The following HSD17B4 variants were observed in gnomAD, a reference collection of about 807,000 sequenced individuals.
HSD17B4 encodes the protein hydroxysteroid 17-beta dehydrogenase 4, also known as peroxisomal multifunctional enzyme type 2.
A neutral mutation model predicts 101.0 loss-of-function variants in HSD17B4; 70 were observed. That is an observed-to-expected ratio of 0.69 (90% CI 0.57 to 0.85). HSD17B4 has a LOEUF of 0.85. Ranked by LOEUF, HSD17B4 falls within the 40% of genes least tolerant of loss-of-function variation. The pLI, the probability that HSD17B4 is intolerant of heterozygous loss-of-function variation, is 0.00. For synonymous variants in HSD17B4, 347 were observed against 297.1 expected (o/e 1.17, Z -1.73); for missense variants, 984 against 892.4 (o/e 1.10, Z -1.31).
chr5:119,517,395 C>T (rs892592906), intron 17 of HSD17B4, among the ~76,000 whole-genome samples: 1 of 152,218 alleles, frequency 6.6e-6, no homozygotes, highest in African/African-American at 2.4e-5. Context: ...CCACCCCCTC[C>T]ATGGGCTCCT....
chr5:119,541,064 A>G (rs577269605), intron 23 of HSD17B4, among the ~76,000 whole-genome samples: 41 of 152,330 alleles, frequency 2.7e-4, no homozygotes, highest in African/African-American at 9.6e-4. Context: ...TATGTAAGCT[A>G]TAAAAACTAT....
intron 17 of HSD17B4, among the ~76,000 whole-genome samples, chr5:119,519,651 C>T (rs1338907435): frequency 1.3e-5 from 2 of 152,156 alleles, no homozygotes; most frequent in Non-Finnish European, 2.9e-5. Context: ...TGATTGCATT[C>T]CAGATTTTGC....
chr5:119,456,585 T>A, intron 2 of HSD17B4: 1 of 554,456 alleles, frequency 1.8e-6, no homozygotes, highest in African/African-American at 1.9e-5. Flanking sequence ...ACAGAATTGA[T>A]AACGAAGGGC....
At chr5:119,519,955 C>T (rs1752967614) in intron 17 of HSD17B4, among the ~76,000 whole-genome samples, 1 of 152,128 alleles carries the variant, frequency 6.6e-6, no homozygotes, top group Non-Finnish European at 1.5e-5. Context: ...CGTTCTAGGT[C>T]CCACTCGCAG....
rs1751944463 is a variant in HSD17B4, at chr5:119,509,232, A to G, written c.1425A>G (p.Ser475=). ...GSGGFGGKRT[S]DKVKVAVAIP... Reference sequence around the variant, plus strand: ...GAGGCTTTGGTGGAAAACGGACATCAGACAAAGTCAAGGTAAGCCATGACT... The same window carrying G: ...GAGGCTTTGGTGGAAAACGGACATCGGACAAAGTCAAGGTAAGCCATGACT... The change falls in exon 16 of 24, where the codon TCA becomes TCG. Residue 475 remains serine, a synonymous_variant. Transcript: ENST00000510025. 6.3e-6 allele frequency: 10 copies of G among 1,594,986 alleles called. No homozygotes were observed. The highest frequency in any genetic ancestry group is 8.6e-6 in the Non-Finnish European group (10 of 1,162,628).
chr5:119,467,913 C>A (rs1340969270), intron 2 of HSD17B4, among the ~76,000 whole-genome samples: 1 of 152,054 alleles, frequency 6.6e-6, no homozygotes, highest in Non-Finnish European at 1.5e-5. Context: ...CATTTTCAGT[C>A]CATGTGTGTC....
chr5:119,528,026 G>A (rs560054746), intron 20 of HSD17B4, among the ~76,000 whole-genome samples: 1 of 152,240 alleles, frequency 6.6e-6, no homozygotes, highest in Non-Finnish European at 1.5e-5. Context: ...ATCATTTCAT[G>A]CTATATAGAG....
chr5:119,491,408 A>G (rs1160853180), intron 9 of HSD17B4, among the ~76,000 whole-genome samples: 2 of 149,576 alleles, frequency 1.3e-5, no homozygotes, highest in Admixed American at 6.6e-5. Flanking sequence ...GGTACACTGT[A>G]GTTGTGGTGT....
At position 119,525,047 on chromosome 5, in the gene HSD17B4, A is replaced by G. The variant is rs186623142; in HGVS notation, c.1504-169A>G. ...TTTTAGTGGCAAGTGTTAAAAAAACATTTCATTATAGGTAATCTTTATTGT... is the reference window on the plus strand; with the variant it reads ...TTTTAGTGGCAAGTGTTAAAAAAACGTTTCATTATAGGTAATCTTTATTGT... On this transcript the variant is annotated intron_variant, in intron 17 of 23. Transcript: ENST00000510025. 9.2e-5 allele frequency among the ~76,000 whole-genome samples: 14 copies of G among 152,170 alleles called. 1 individual carries two copies. The highest frequency in any genetic ancestry group is 7.9e-4 in the Admixed American group (12 of 15,268).
At chr5:119,474,839 C>G (rs1387377338) in intron 4 of HSD17B4, among the ~76,000 whole-genome samples, 4 of 151,950 alleles carry the variant, frequency 2.6e-5, no homozygotes, top group Admixed American at 2.6e-4. Flanking sequence ...TTAAAATAAT[C>G]CAATATCTTG....
Position 119,536,397 on chromosome 5 carries a change from C to T in HSD17B4, c.1994-26C>T, listed in dbSNP as rs150637104. The stretch of plus-strand genomic sequence containing the variant: ...ATTTTGTTGGAGAGAAAAAGATACA[C>T]ATTGGTTTCTTCCTATTTTTCCCAG... On this transcript the variant is annotated intron_variant, in intron 22 of 23. Coordinates refer to ENST00000510025, the MANE Select transcript of HSD17B4 (RefSeq NM_000414.4). The T allele has an allele frequency of 6.6e-4, 1,054 of 1,606,680 alleles. 8 individuals are homozygous for T. In the African/African-American group the frequency reaches 0.013, roughly 20 times the overall value.
In HSD17B4 at chr5:119,499,537, C is replaced by G; in HGVS notation, c.1193C>G (p.Ser398Ter). ...GGATTAGCAGAAATTCCTGGACTTT[C>G]AATCAACTTTGCAAAGGTATGCCTA... Reference protein sequence around the residue: ...GGGLAEIPGLSINFAKVLHGE... With the variant: ...GGGLAEIPGL Residue 398 changes from serine (S) to a stop codon, truncating the protein, a stop_gained, in exon 13 of 24, where the codon TCA becomes TGA. Transcript: ENST00000510025. LOFTEE classifies it high-confidence loss of function. The G allele has an allele frequency of 6.2e-7, 1 of 1,609,600 alleles. No homozygotes were observed. Among genetic ancestry groups the G allele is most frequent in the Non-Finnish European group, 8.5e-7 (1 of 1,175,988 alleles).
At chr5:119,482,758 A>G (rs1319699553) in intron 8 of HSD17B4, among the ~76,000 whole-genome samples, 1 of 151,990 alleles carries the variant, frequency 6.6e-6, no homozygotes, top group Admixed American at 6.6e-5. Context: ...TCTCACTTGT[A>G]ATTGTTATTA....
At chr5:119,452,855 G>C in intron 1 of HSD17B4, 1 of 1,535,494 alleles carries the variant, frequency 6.5e-7, no homozygotes, top group Non-Finnish European at 8.7e-7. Flanking sequence ...CCCCGGTGTG[G>C]GCTTCCCAAG....
intron 16 of HSD17B4, among the ~76,000 whole-genome samples, chr5:119,513,268 A>T (rs1752331974): frequency 6.6e-6 from 1 of 152,252 alleles, no homozygotes; most frequent in Admixed American, 6.5e-5. Flanking sequence ...AAAACATCCA[A>T]GCTTTTAGTG....
rs558724264 is a variant in HSD17B4 at position 119,513,322 on chromosome 5, A to G, written c.1438-1659A>G. On this transcript the variant is annotated intron_variant, in intron 16 of 23. Coordinates refer to ENST00000510025, the MANE Select transcript of HSD17B4 (RefSeq NM_000414.4). The stretch of plus-strand genomic sequence containing the variant: ...GGGTAAAATACAAGTCTGAGGCTAT[A>G]TTAGATGAAGTAAATATAACATGCT... Among the ~76,000 whole-genome samples the G allele has an allele frequency of 4.6e-5, 7 of 152,340 alleles. No individual in the cohort carries two copies. In the South Asian group the frequency reaches 1.5e-3, roughly 32 times the overall value.
At chr5:119,489,081 T>TA in intron 8 of HSD17B4, 111 bp from the exon 9 acceptor site, 1 of 748,148 alleles carries the variant, frequency 1.3e-6, no homozygotes, top group Admixed American at 2.0e-5. Flanking sequence ...GTTATATACA[T>TA]ACTAATTTTG....
Position 119,494,321 on chromosome 5 carries a change from TTTCTTTTC to T in HSD17B4, c.868+378_868+385del, listed in dbSNP as rs754753438. ...ATTTTTCTCTTTCTTCCTTTCTTTC[TTTCTTTTC>T]TTTCTTTCTTTCTTTCTTTCTTTCT... On this transcript the variant is annotated intron_variant, in intron 11 of 23. Transcript: ENST00000510025. 4.5e-3 allele frequency among the ~76,000 whole-genome samples: 658 copies of T among 146,576 alleles called. 3 individuals carry two copies. The highest frequency in any genetic ancestry group is 5.7e-3 in the Non-Finnish European group (372 of 65,684).
chr5:119,515,711 A>G (rs1264686095), intron 17 of HSD17B4, among the ~76,000 whole-genome samples: 4 of 152,204 alleles, frequency 2.6e-5, no homozygotes, highest in Admixed American at 6.5e-5. Flanking sequence ...GATGGCTAGT[A>G]GACTAACCAT....
Sources: gnomAD v4.1 joint callset for allele counts (sites outside exome capture counted in the v4.1 genomes callset) on GRCh38, gnomAD v4.1.1 for gene constraint, MANE v1.5 for transcripts, NCBI Gene and HGNC (gene_info 2026-07-23, HGNC 2026-07-21) for gene names.